The following XIRP2 variants were observed in gnomAD, a reference collection of about 807,000 sequenced individuals.
XIRP2 encodes the protein xin actin-binding repeat-containing protein 2.
Under a neutral mutation model 277.0 loss-of-function variants are expected in XIRP2, and 236 were observed. The observed-to-expected ratio is 0.85, with a 90% CI of 0.77 to 0.95. The LOEUF (loss-of-function observed/expected upper bound fraction) is 0.95. Among genes scored for constraint, XIRP2 ranks in the 40% least tolerant of loss-of-function variants. The pLI is 0.00. For synonymous variants in XIRP2, 1,490 were observed against 1,416.5 expected, an observed-to-expected ratio of 1.05 and a Z score of -1.17; for missense variants, 4,640 against 4,157.5, an observed-to-expected ratio of 1.12 and a Z score of -3.19.
chr2:167,083,156 A>G (rs923438732), intron 2 of XIRP2, among the ~76,000 whole-genome samples: 9 of 152,176 alleles, frequency 5.9e-5, no homozygotes, highest in African/African-American at 2.2e-4. Context: ...TCAGCTTTCT[A>G]CATATGGCTA....
chr2:166,917,930 T>A (rs951772847), intron 2 of XIRP2, among the ~76,000 whole-genome samples: 1 of 152,182 alleles, frequency 6.6e-6, no homozygotes, highest in African/African-American at 2.4e-5. Context: ...CTATGACTGA[T>A]TTTCATACTC....
At chr2:166,910,619 C>G (rs1339041417) in intron 2 of XIRP2, among the ~76,000 whole-genome samples, 1 of 152,058 alleles carries the variant, frequency 6.6e-6, no homozygotes, top group Non-Finnish European at 1.5e-5. Context: ...TCCTTCAGTT[C>G]TGCTCTGATC....
chr2:167,047,471 T>C (rs547071101), intron 2 of XIRP2, among the ~76,000 whole-genome samples: 1 of 151,968 alleles, frequency 6.6e-6, no homozygotes, highest in East Asian at 1.9e-4. Flanking sequence ...AGCTCTGGAA[T>C]GGCACAAATG....
At chr2:167,098,923 T>G (rs1238645458) in intron 2 of XIRP2, among the ~76,000 whole-genome samples, 1 of 152,174 alleles carries the variant, frequency 6.6e-6, no homozygotes, top group Non-Finnish European at 1.5e-5. Flanking sequence ...GGAAGCTACA[T>G]CCCAGAGAGG....
At chr2:167,185,646 T>C (rs1693133881) in intron 3 of XIRP2, among the ~76,000 whole-genome samples, 2 of 152,208 alleles carry the variant, frequency 1.3e-5, no homozygotes, top group African/African-American at 4.8e-5. Context: ...TATGCAAATA[T>C]AAGAATAAAA....
intron 2 of XIRP2, among the ~76,000 whole-genome samples, chr2:167,016,975 T>C (rs1687844309): frequency 6.6e-6 from 1 of 151,986 alleles, no homozygotes; most frequent in South Asian, 2.1e-4. Flanking sequence ...AACATGGTGA[T>C]GGATCCTGCA....
chr2:167,214,559 G>C (rs987292247), intron 4 of XIRP2, among the ~76,000 whole-genome samples: 1 of 151,580 alleles, frequency 6.6e-6, no homozygotes, highest in African/African-American at 2.4e-5. Context: ...AAAGTAATGG[G>C]TATATCTGTT....
Position 167,246,933 on chromosome 2 carries a change from C to G in XIRP2, c.5541C>G (p.Ser1847=), listed in dbSNP as rs202048342. The G allele has an allele frequency of 3.5e-5, 57 of 1,613,268 alleles. No individual in the cohort carries two copies. Among genetic ancestry groups the G allele is most frequent in the Non-Finnish European group, 3.4e-5 (40 of 1,179,786 alleles). The change falls in exon 9 of 11, where the codon TCC becomes TCG. Residue 1847 remains serine (S), a synonymous_variant. Transcript: ENST00000409195. ...IKGDLTSTLN[S]LSQAVNQKTV... The stretch of plus-strand genomic sequence containing the variant: ...GTGATTTGACATCAACCCTAAATTC[C>G]CTCAGCCAGGCTGTAAATCAGAAAA...
At chr2:166,895,435 C>T (rs921750063) in intron 1 of XIRP2, among the ~76,000 whole-genome samples, 18 of 152,136 alleles carry the variant, frequency 1.2e-4, no homozygotes, top group Non-Finnish European at 1.5e-5. Context: ...TTGAGGATTG[C>T]TCCCCCAGGT....
At chr2:167,128,173 G>T (rs549664607) in intron 2 of XIRP2, among the ~76,000 whole-genome samples, 3 of 152,116 alleles carry the variant, frequency 2.0e-5, no homozygotes, top group Admixed American at 2.0e-4. Flanking sequence ...CTACTTTGAC[G>T]CCTAAATATT....
intron 7 of XIRP2, 152 bp from the exon 8 acceptor site, chr2:167,241,625 G>T: frequency 2.7e-6 from 2 of 745,472 alleles, no homozygotes; most frequent in East Asian, 3.1e-5. Flanking sequence ...GCCCAGGCTG[G>T]TCTCACACCC....
intron 3 of XIRP2, among the ~76,000 whole-genome samples, chr2:167,153,127 T>A (rs1012365503): frequency 6.6e-6 from 1 of 152,152 alleles, no homozygotes. Flanking sequence ...AATTAATTGA[T>A]TAATTTTACC....
rs190440465 is a variant in XIRP2 at position 167,090,105 on chromosome 2, T to C, written c.409-45804T>C. ...TTTCTTATTGCTGTAATTAAAATAATTGTGTCTTTATGAACTTACTGAAGG... is the reference window on the plus strand; with the variant it reads ...TTTCTTATTGCTGTAATTAAAATAACTGTGTCTTTATGAACTTACTGAAGG... On this transcript the variant is annotated intron_variant, in intron 2 of 10. Transcript: ENST00000409195. 9.9e-5 allele frequency among the ~76,000 whole-genome samples: 15 copies of C among 152,244 alleles called. No individual in the cohort carries two copies. In the East Asian group the frequency reaches 2.7e-3, roughly 27 times the overall value.
chr2:167,080,153 C>T (rs778798075), intron 2 of XIRP2, among the ~76,000 whole-genome samples: 33 of 151,908 alleles, frequency 2.2e-4, no homozygotes, highest in Non-Finnish European at 3.2e-4. Flanking sequence ...AAATAAATGG[C>T]GAAAAGTGGT....
Position 166,903,654 on chromosome 2 carries a change from G to A in XIRP2, c.172G>A (p.Asp58Asn). 1 of 1,613,586 alleles carries A rather than the reference G, an allele frequency of 6.2e-7. No homozygotes were observed. The highest frequency in any genetic ancestry group is 8.5e-7 in the Non-Finnish European group (1 of 1,179,754). The change falls in exon 2 of 11, where the codon GAT becomes AAT. Residue 58 changes from aspartate to asparagine, a missense_variant. Coordinates refer to ENST00000409195, the MANE Select transcript of XIRP2 (RefSeq NM_152381.6). ...GEVVSAPQSLDPTSLPYSTGE... is the reference protein window; with the variant it reads ...GEVVSAPQSLNPTSLPYSTGE... Reference sequence around the variant, plus strand: ...GGTAGTATCAGCACCTCAATCTTTGGATCCCACAAGTCTGCCCTACAGTAC... The same window carrying A: ...GGTAGTATCAGCACCTCAATCTTTGAATCCCACAAGTCTGCCCTACAGTAC...
chr2:167,135,886 A>C lies in XIRP2; in HGVS notation c.409-23A>C, dbSNP rs775508796. The C allele has an allele frequency of 4.1e-5, 64 of 1,563,292 alleles. No homozygotes were observed. In the Admixed American group the frequency reaches 5.8e-4, roughly 14 times the overall value. Reference sequence around the variant, plus strand: ...TTCCTACTGATAGCTTTTAACATACAACCCTTTAATGTCTTGTAACAGGAA... The same window carrying C: ...TTCCTACTGATAGCTTTTAACATACCACCCTTTAATGTCTTGTAACAGGAA... On this transcript the variant is annotated intron_variant, in intron 2 of 10. Transcript: ENST00000409195.
intron 2 of XIRP2, among the ~76,000 whole-genome samples, chr2:166,968,284 T>C (rs1399795750): frequency 2.0e-5 from 3 of 151,938 alleles, no homozygotes; most frequent in Non-Finnish European, 4.4e-5. Flanking sequence ...CATTCCAAGT[T>C]TCTAAAATTG....
intron 2 of XIRP2, among the ~76,000 whole-genome samples, chr2:167,003,875 A>G (rs1687435802): frequency 6.6e-6 from 1 of 151,932 alleles, no homozygotes; most frequent in African/African-American, 2.4e-5. Flanking sequence ...GTTTCTGATA[A>G]CATCTTTATC....
chr2:167,033,191 C>T (rs1179899968), intron 2 of XIRP2, among the ~76,000 whole-genome samples: 1 of 152,044 alleles, frequency 6.6e-6, no homozygotes, highest in African/African-American at 2.4e-5. Flanking sequence ...AACACAGGAA[C>T]AGAAAACCAA....
Sources: gnomAD v4.1 joint callset for allele counts (sites outside exome capture counted in the v4.1 genomes callset) on GRCh38, gnomAD v4.1.1 for gene constraint, MANE v1.5 for transcripts, NCBI Gene and HGNC (gene_info 2026-07-23, HGNC 2026-07-21) for gene names.